Variants in UGT2A2 observed in about 807,000 individuals in gnomAD.
UGT2A2 encodes the protein UDP glucuronosyltransferase family 2 member A2, also known as UDP-glucuronosyltransferase 2A2.
A neutral mutation model predicts 50.7 loss-of-function variants in UGT2A2; 60 were observed. The observed-to-expected ratio is 1.18, with a 90% CI of 0.96 to 1.47. The LOEUF (loss-of-function observed/expected upper bound fraction) is 1.47, where lower values mean the gene tolerates loss of function less well. Among genes scored for constraint, UGT2A2 ranks in the 40% most tolerant of loss-of-function variants. The pLI is 0.00. For missense variants in UGT2A2, 762 were observed against 634.0 expected, an observed-to-expected ratio of 1.20 and a Z score of -2.17; for synonymous variants, 242 against 214.6, an observed-to-expected ratio of 1.13 and a Z score of -1.11.
intron 1 of UGT2A2, among the ~76,000 whole-genome samples, chr4:69,630,149 C>A (rs1279527760): frequency 6.6e-6 from 1 of 151,856 alleles, no homozygotes; most frequent in Non-Finnish European, 1.5e-5. Context: ...TGGATCAGGG[C>A]TCTAAGTTTC....
intron 5 of UGT2A2, among the ~76,000 whole-genome samples, chr4:69,590,995 T>C (rs1177168697): frequency 6.6e-6 from 1 of 152,200 alleles, no homozygotes; most frequent in Non-Finnish European, 1.5e-5. Context: ...TACTCTACAC[T>C]ATACCTTGTG....
chr4:69,624,642 G>A (rs1338177893), intron 1 of UGT2A2, among the ~76,000 whole-genome samples: 1 of 149,914 alleles, frequency 6.7e-6, no homozygotes, highest in Non-Finnish European at 1.5e-5. Context: ...CCTTTGTTGT[G>A]GTTGTGTGTA....
intron 1 of UGT2A2, among the ~76,000 whole-genome samples, chr4:69,633,033 T>C (rs1369807505): frequency 2.0e-5 from 3 of 152,090 alleles, no homozygotes; most frequent in Non-Finnish European, 4.4e-5. Flanking sequence ...TAAGAGGATG[T>C]AGTAAAAAGT....
chr4:69,590,368 T>A (rs770181590), intron 5 of UGT2A2, among the ~76,000 whole-genome samples: 4 of 152,188 alleles, frequency 2.6e-5, no homozygotes, highest in Non-Finnish European at 4.4e-5. Context: ...CAATATTGGG[T>A]GGATATCTAC....
intron 1 of UGT2A2, among the ~76,000 whole-genome samples, chr4:69,600,448 A>G (rs1291472195): frequency 1.3e-5 from 2 of 152,286 alleles, no homozygotes; most frequent in East Asian, 3.9e-4. Flanking sequence ...GAGTGGGGAC[A>G]AACTCCCTTT....
In UGT2A2 at chr4:69,605,167, G is replaced by T. The variant is rs1719531435; in HGVS notation, c.743-5773C>A. Among the ~76,000 whole-genome samples the T allele has an allele frequency of 1.5e-5, 2 of 136,594 alleles. 1 individual carries two copies. The highest frequency in any genetic ancestry group is 4.8e-4 in the South Asian group (2 of 4,152). 89.6% of individuals were successfully genotyped at this position (136,594 alleles called of 152,430 possible). On this transcript the variant is annotated intron_variant, in intron 1 of 5. Coordinates refer to ENST00000604629, the MANE Select transcript of UGT2A2 (RefSeq NM_001105677.2). ...TTATTCCAAAATTGACCACATAGTT[G>T]GAAGTAAAGCACTCCTCAGCAAATG...
intron 1 of UGT2A2, among the ~76,000 whole-genome samples, chr4:69,610,245 A>AG (rs1254784771): frequency 3.2e-5 from 4 of 126,298 alleles, no homozygotes. Flanking sequence ...TTCTGCCATT[A>AG]CAAAAAAAAA....
chr4:69,612,589 T>G (rs1720128940), intron 1 of UGT2A2, among the ~76,000 whole-genome samples: 2 of 152,032 alleles, frequency 1.3e-5, no homozygotes, highest in African/African-American at 4.8e-5. Context: ...CACAAAACCA[T>G]TTGATTTTTC....
At chr4:69,596,209 T>C (rs1560467870) in intron 3 of UGT2A2, 41 bp downstream of exon 3, 1 of 1,449,768 alleles carries the variant, frequency 6.9e-7, no homozygotes, top group Non-Finnish European at 9.1e-7. Flanking sequence ...GTCTCTCCCA[T>C]TAGTAAAAAG....
At position 69,589,485 on chromosome 4, in the gene UGT2A2, C is replaced by G; in HGVS notation, c.1498G>C (p.Val500Leu). The change falls in exon 6 of 6, where the codon GTA becomes CTA. Residue 500 changes from valine (V) to leucine (L), a missense_variant. Physicochemically the swap from Val to Leu is conservative, Grantham distance 32. Coordinates refer to ENST00000604629, the MANE Select transcript of UGT2A2 (RefSeq NM_001105677.2). ...ACACAGACCAGCAAGAACCCAATTA[C>G]ATCCAAAGAGTGGTACTGGAACCAG... Reference protein sequence around the residue: ...LTWFQYHSLDVIGFLLVCVTT... With the variant: ...LTWFQYHSLDLIGFLLVCVTT... 3 of 1,614,092 alleles carry G rather than the reference C, an allele frequency of 1.9e-6. No homozygotes were observed. The highest frequency in any genetic ancestry group is 2.5e-6 in the Non-Finnish European group (3 of 1,180,014).
At chr4:69,624,865 C>A (rs1720952132) in intron 1 of UGT2A2, among the ~76,000 whole-genome samples, 2 of 150,982 alleles carry the variant, frequency 1.3e-5, no homozygotes, top group South Asian at 4.2e-4. Flanking sequence ...CTTTTTTATT[C>A]ATTGACTTAT....
chr4:69,608,843 A>T (rs932253031), intron 1 of UGT2A2, among the ~76,000 whole-genome samples: 1 of 152,110 alleles, frequency 6.6e-6, no homozygotes, highest in African/African-American at 2.4e-5. Context: ...CCACAGGCAC[A>T]TGCCACCATG....
intron 1 of UGT2A2, among the ~76,000 whole-genome samples, chr4:69,600,658 C>T (rs11730451): frequency 0.14 from 21,291 of 151,986 alleles, 1,695 homozygotes; most frequent in Non-Finnish European, 0.18. Flanking sequence ...GGCTTATGGT[C>T]CCATAGGCTG....
rs1352064254 is a variant in UGT2A2 at position 69,589,158 on chromosome 4, A to G, written c.*214T>C. 2.0e-6 allele frequency: 1 copy of G among 512,704 alleles called. No individual in the cohort carries two copies. The highest frequency in any genetic ancestry group is 3.0e-6 in the Non-Finnish European group (1 of 330,990). The allele number at this position is 512,704 out of a possible 1,614,324, so 31.8% of individuals were successfully genotyped here. On this transcript the variant is annotated 3_prime_UTR_variant, in exon 6 of 6. Coordinates refer to ENST00000604629, the MANE Select transcript of UGT2A2 (RefSeq NM_001105677.2). ...GGGTATAGTCAGCAGGGAGAGACAAAGGAAAAATAGAAGACTATAACTCAC... is the reference window on the plus strand; with the variant it reads ...GGGTATAGTCAGCAGGGAGAGACAAGGGAAAAATAGAAGACTATAACTCAC...
chr4:69,635,782 C>T lies in UGT2A2; in HGVS notation c.742+3117G>A, dbSNP rs182620071. Reference sequence around the variant, plus strand: ...GCAGAGGTTGCAGTGAGCCAAGATCCGCCACTGCACTCCAGCCTGGGCAAC... The same window carrying T: ...GCAGAGGTTGCAGTGAGCCAAGATCTGCCACTGCACTCCAGCCTGGGCAAC... On this transcript the variant is annotated intron_variant, in intron 1 of 5. Coordinates refer to ENST00000604629, the MANE Select transcript of UGT2A2 (RefSeq NM_001105677.2). 353 of 171,806 alleles carry T rather than the reference C, an allele frequency of 2.1e-3. 1 individual carries two copies. Among genetic ancestry groups the T allele is most frequent in the Admixed American group, 3.8e-3 (54 of 14,336 alleles). 10.6% of individuals were successfully genotyped at this position (171,806 alleles called of 1,614,324 possible).
intron 1 of UGT2A2, among the ~76,000 whole-genome samples, chr4:69,608,741 G>T (rs1719840596): frequency 6.6e-6 from 1 of 152,018 alleles, no homozygotes; most frequent in South Asian, 2.1e-4. Flanking sequence ...TGTTGCCCAG[G>T]CTGGAGTGCA....
rs559680857 is a variant in UGT2A2 at position 69,639,269 on chromosome 4, T to C, written c.372A>G (p.Leu124=). 2.9e-5 allele frequency: 46 copies of C among 1,613,738 alleles called. No homozygotes were observed. Among genetic ancestry groups the C allele is most frequent in the Middle Eastern group, 3.3e-4 (2 of 6,058 alleles). The part of the protein sequence containing the change: ...WAFYKELGKL[L]DTFFQINIQL... ...GTATGTTAATTTGAAAGAAAGTGTCTAGAAGTTTTCCTAGTTCTTTGTAGA... is the reference window on the plus strand; with the variant it reads ...GTATGTTAATTTGAAAGAAAGTGTCCAGAAGTTTTCCTAGTTCTTTGTAGA... Residue 124 remains leucine, a synonymous_variant, in exon 1 of 6, where the codon CTA becomes CTG. Coordinates refer to ENST00000604629, the MANE Select transcript of UGT2A2 (RefSeq NM_001105677.2).
At chr4:69,636,380 AC>A (rs1392719048) in intron 1 of UGT2A2, among the ~76,000 whole-genome samples, 1 of 152,188 alleles carries the variant, frequency 6.6e-6, no homozygotes, top group Non-Finnish European at 1.5e-5. Context: ...ATGGGGTTTT[AC>A]CAGTTCTTCA....
intron 1 of UGT2A2, among the ~76,000 whole-genome samples, chr4:69,626,287 C>T (rs1721055626): frequency 6.6e-6 from 1 of 150,644 alleles, no homozygotes; most frequent in African/African-American, 2.4e-5. Context: ...AATTTTATTC[C>T]ACCAAAGAGG....
Sources: gnomAD v4.1 joint callset for allele counts (sites outside exome capture counted in the v4.1 genomes callset) on GRCh38, gnomAD v4.1.1 for gene constraint, MANE v1.5 for transcripts, NCBI Gene and HGNC (gene_info 2026-07-23, HGNC 2026-07-21) for gene names.